Variants in SKIL observed in about 807,000 individuals in gnomAD.
SKIL encodes SKI like proto-oncogene, also known as ski-like protein.
Under a neutral mutation model 69.6 loss-of-function variants are expected in SKIL, and 20 were observed. That is an observed-to-expected ratio of 0.29 (90% CI 0.20 to 0.42). The LOEUF (loss-of-function observed/expected upper bound fraction) is 0.42. Ranked by LOEUF, SKIL falls within the 10% of genes least tolerant of loss-of-function variation. The pLI, the probability that SKIL is intolerant of heterozygous loss-of-function variation, is 1.00. For synonymous variants in SKIL, 310 were observed against 279.9 expected (o/e 1.11, Z -1.08); for missense variants, 745 against 783.1 (o/e 0.95, Z 0.58).
intron 2 of SKIL, among the ~76,000 whole-genome samples, chr3:170,366,310 A>T (rs1560208153): frequency 6.6e-6 from 1 of 152,130 alleles, no homozygotes; most frequent in Admixed American, 6.5e-5. Flanking sequence ...CTTGTAAATT[A>T]TAAATAATTT....
chr3:170,378,553 C>CTCTTTTT lies in SKIL; in HGVS notation c.1099-2690_1099-2689insCTTTTTT, dbSNP rs1553853891. Among the ~76,000 whole-genome samples, 639 of 118,948 alleles carry CTCTTTTT rather than the reference C, an allele frequency of 5.4e-3. 13 individuals are homozygous for CTCTTTTT. The highest frequency in any genetic ancestry group is 0.011 in the African/African-American group (367 of 32,890). 78.0% of individuals were successfully genotyped at this position (118,948 alleles called of 152,430 possible). ...TGGGAATTGGACTCTCTCTCTCTCT[C>CTCTTTTT]TTTTTTTTTTTTTTTGGAGACAAAG... On this transcript the variant is annotated intron_variant, in intron 2 of 6. Transcript: ENST00000259119.
At chr3:170,377,249 T>A (rs1366176340) in intron 2 of SKIL, among the ~76,000 whole-genome samples, 1 of 151,894 alleles carries the variant, frequency 6.6e-6, no homozygotes, top group South Asian at 2.1e-4. Context: ...TTTTCCTTTT[T>A]TTTTTTGAGA....
intron 2 of SKIL, among the ~76,000 whole-genome samples, chr3:170,361,879 C>T (rs1040283463): frequency 6.6e-6 from 1 of 152,076 alleles, no homozygotes; most frequent in African/African-American, 2.4e-5. Flanking sequence ...GCCCCTGTGT[C>T]CAGCCAGGGC....
At chr3:170,370,487 T>G (rs951360138) in intron 2 of SKIL, among the ~76,000 whole-genome samples, 1 of 119,484 alleles carries the variant, frequency 8.4e-6, no homozygotes, top group East Asian at 3.0e-4. Flanking sequence ...TCTTACAGTC[T>G]TCTTATATCT....
At chr3:170,376,042 C>CTTTTTTT (rs869036195) in intron 2 of SKIL, among the ~76,000 whole-genome samples, 1 of 89,130 alleles carries the variant, frequency 1.1e-5, no homozygotes, top group African/African-American at 4.5e-5. Flanking sequence ...GCTGATTTTC[C>CTTTTTTT]TTTTTTTTTT....
At position 170,391,058 on chromosome 3, in the gene SKIL, C is replaced by A; in HGVS notation, c.1694C>A (p.Ser565Ter). 1.9e-6 allele frequency: 3 copies of A among 1,584,320 alleles called. No homozygotes were observed. The highest frequency in any genetic ancestry group is 1.1e-5 in the South Asian group (1 of 88,762). ...LQMEVKMLSS[S>*]KSMKELTEEQ... Reference sequence around the variant, plus strand: ...CAGGAAGTAAAAATGTTGAGTAGTTCAAAATCTATGAAGGAACTCACTGAA... The same window carrying A: ...CAGGAAGTAAAAATGTTGAGTAGTTAAAAATCTATGAAGGAACTCACTGAA... The change falls in exon 6 of 7, where the codon TCA (serine) becomes TAA (stop). Residue 565 changes from serine to a stop codon, truncating the protein, a stop_gained. Coordinates refer to ENST00000259119, the MANE Select transcript of SKIL (RefSeq NM_005414.5). LOFTEE classifies it high-confidence loss of function.
intron 2 of SKIL, among the ~76,000 whole-genome samples, chr3:170,380,463 C>T (rs1159195097): frequency 6.6e-6 from 1 of 151,902 alleles, no homozygotes; most frequent in African/African-American, 2.4e-5. Context: ...GCCAACATGG[C>T]AAAACCCAAT....
chr3:170,388,753 A>G (rs1737768888), intron 4 of SKIL, among the ~76,000 whole-genome samples: 1 of 151,766 alleles, frequency 6.6e-6, no homozygotes, highest in African/African-American at 2.4e-5. Flanking sequence ...TTGAAGCACA[A>G]AAGTTTTAAA....
chr3:170,360,376 T>C lies in SKIL; in HGVS notation c.45T>C (p.Thr15=), dbSNP rs1736161737. The stretch of plus-strand genomic sequence containing the variant: ...ATTTCTCCTTGGTTCAGGGCTCAAC[T>C]AAAAAACTGAATGGGATGGGAGATG... ...QTNFSLVQGS[T]KKLNGMGDDG... is the part of the protein sequence containing the mutation. The change falls in exon 2 of 7, where the codon ACT becomes ACC. Residue 15 remains threonine, a synonymous_variant. Coordinates refer to ENST00000259119, the MANE Select transcript of SKIL (RefSeq NM_005414.5). 2 of 1,598,560 alleles carry C rather than the reference T, an allele frequency of 1.3e-6. No homozygotes were observed. The highest frequency in any genetic ancestry group is 1.7e-6 in the Non-Finnish European group (2 of 1,172,968).
Position 170,392,424 on chromosome 3 carries a change from T to A in SKIL, c.*7T>A. 1 of 1,593,726 alleles carries A rather than the reference T, an allele frequency of 6.3e-7. No individual in the cohort carries two copies. The highest frequency in any genetic ancestry group is 8.6e-7 in the Non-Finnish European group (1 of 1,168,384). On this transcript the variant is annotated 3_prime_UTR_variant, in exon 7 of 7. Coordinates refer to ENST00000259119, the MANE Select transcript of SKIL (RefSeq NM_005414.5). The stretch of plus-strand genomic sequence containing the variant: ...AAAGACTGCTAAAGAATAGAAACTG[T>A]TAAAGAGATTCATCTGTGTATTACT...
intron 2 of SKIL, among the ~76,000 whole-genome samples, chr3:170,377,293 A>G (rs1737076777): frequency 3.3e-5 from 5 of 151,140 alleles, no homozygotes; most frequent in Admixed American, 1.3e-4. Flanking sequence ...GCTGGAGTGC[A>G]GTGGAGCGAT....
intron 2 of SKIL, among the ~76,000 whole-genome samples, chr3:170,371,855 A>T (rs1283082219): frequency 6.6e-6 from 1 of 152,236 alleles, no homozygotes; most frequent in Non-Finnish European, 1.5e-5. Context: ...CAGCATTAAA[A>T]AACATAAAAA....
chr3:170,375,269 G>C (rs1228723601), intron 2 of SKIL, among the ~76,000 whole-genome samples: 1 of 152,164 alleles, frequency 6.6e-6, no homozygotes, highest in Non-Finnish European at 1.5e-5. Flanking sequence ...ATAAAGAATA[G>C]GAGCTAAGAG....
chr3:170,378,316 ATC>A (rs2108210478), intron 2 of SKIL, among the ~76,000 whole-genome samples: 1 of 152,270 alleles, frequency 6.6e-6, no homozygotes, highest in African/African-American at 2.4e-5. Flanking sequence ...TACTTGTCAG[ATC>A]TCTCCCAGGT....
In SKIL at chr3:170,396,388, T is replaced by G. The variant is rs986578353; in HGVS notation, c.*3971T>G. 6.6e-6 allele frequency: 1 copy of G among 152,208 alleles called. No homozygotes were observed. The highest frequency in any genetic ancestry group is 2.4e-5 in the African/African-American group (1 of 41,458). The allele number at this position is 152,208 out of a possible 1,614,324, so 9.4% of individuals were successfully genotyped here. ...CTTGTTTTTACTATCCTGTTAGAAG[T>G]ATTTGTTTATCCTGATAATTTTAAG... On this transcript the variant is annotated 3_prime_UTR_variant, in exon 7 of 7. Transcript: ENST00000259119.
intron 2 of SKIL, among the ~76,000 whole-genome samples, chr3:170,366,977 G>A (rs1319200061): frequency 6.6e-6 from 1 of 151,934 alleles, no homozygotes; most frequent in South Asian, 2.1e-4. Flanking sequence ...TATTACGTTT[G>A]TATGAAAAAA....
intron 2 of SKIL, among the ~76,000 whole-genome samples, chr3:170,366,965 A>G (rs556126204): frequency 3.3e-5 from 5 of 152,344 alleles, no homozygotes; most frequent in African/African-American, 9.6e-5. Flanking sequence ...AATTTTGTTG[A>G]ATATTACGTT....
At chr3:170,375,362 T>TG (rs937982070) in intron 2 of SKIL, among the ~76,000 whole-genome samples, 1 of 152,198 alleles carries the variant, frequency 6.6e-6, no homozygotes, top group Admixed American at 6.5e-5. Flanking sequence ...AATAAATAGA[T>TG]GCTAGGTTTG....
At position 170,361,377 on chromosome 3, in the gene SKIL, A is replaced by G. The variant is rs749654812; in HGVS notation, c.1046A>G (p.Glu349Gly). Residue 349 changes from glutamate to glycine, a missense_variant, in exon 2 of 7, where the codon GAA becomes GGA. Physicochemically the swap from Glu to Gly is moderately conservative, Grantham distance 98. Transcript: ENST00000259119. ...GAAAAGAAACTGAAGATAATTTTAG[A>G]AGAAATGAAGGAGAAGTTTAGCATG... ...PEEKKLKIIL[E>G]EMKEKFSMRS... The G allele has an allele frequency of 1.2e-6, 2 of 1,603,430 alleles. No individual in the cohort carries two copies. The highest frequency in any genetic ancestry group is 1.7e-6 in the Non-Finnish European group (2 of 1,177,130).
Sources: allele counts gnomAD v4.1 joint callset (sites outside exome capture counted in the v4.1 genomes callset), GRCh38; gene constraint gnomAD v4.1.1; transcripts MANE v1.5; gene names NCBI Gene and HGNC (gene_info 2026-07-23, HGNC 2026-07-21).